Variants in LUZP2 observed in about 807,000 individuals in gnomAD.
LUZP2 encodes leucine zipper protein 2.
Under a neutral mutation model 51.6 loss-of-function variants are expected in LUZP2, and 52 were observed. That is an observed-to-expected ratio of 1.01 (90% CI 0.81 to 1.27). The LOEUF (loss-of-function observed/expected upper bound fraction) is 1.27, where lower values mean the gene tolerates loss of function less well. Ranked by LOEUF, LUZP2 falls within the 50% of genes most tolerant of loss-of-function variation. The pLI, the probability that LUZP2 is intolerant of heterozygous loss-of-function variation, is 0.00. For missense variants in LUZP2, 436 were observed against 395.4 expected (o/e 1.10, Z -0.87); for synonymous variants, 154 against 137.3 (o/e 1.12, Z -0.85).
intron 1 of LUZP2, among the ~76,000 whole-genome samples, chr11:24,531,606 A>G (rs1319268260): frequency 1.3e-5 from 2 of 150,850 alleles, no homozygotes; most frequent in African/African-American, 4.8e-5. Flanking sequence ...TCAACCTTCT[A>G]GTAACCATCA....
In LUZP2 at chr11:25,029,397, T is replaced by TA. The variant is rs532576314; in HGVS notation, c.766-20635dup. Among the ~76,000 whole-genome samples the TA allele has an allele frequency of 4.6e-3, 692 of 151,866 alleles. 8 individuals are homozygous for TA. The highest frequency in any genetic ancestry group is 0.016 in the African/African-American group (658 of 41,392). ...TTTTTAAAAATAAATTTAGAAGAAA[T>TA]AAAAAACAATACTTCAAATATGAAC... On this transcript the variant is annotated intron_variant, in intron 9 of 11. Coordinates refer to ENST00000336930, the MANE Select transcript of LUZP2 (RefSeq NM_001009909.4).
intron 6 of LUZP2, among the ~76,000 whole-genome samples, chr11:24,907,061 G>A (rs1402429867): frequency 1.3e-5 from 2 of 152,124 alleles, no homozygotes; most frequent in Non-Finnish European, 2.9e-5. Flanking sequence ...CCAGCAGGAA[G>A]GAAAGGGAAG....
chr11:24,611,189 AG>A lies in LUZP2; in HGVS notation c.62+113885del, dbSNP rs1449094530. On this transcript the variant is annotated intron_variant, in intron 1 of 11. Transcript: ENST00000336930. The surrounding 1 kb of genome is among the most constrained non-coding windows in gnomAD (Gnocchi z 4.6). ...ATGTTTATATTATTCATTCAAAAAT[AG>A]TCAACTTTTACTTTGTGCCGAGGTT... Among the ~76,000 whole-genome samples the A allele has an allele frequency of 2.0e-5, 3 of 152,160 alleles. No individual in the cohort carries two copies. The highest frequency in any genetic ancestry group is 4.4e-5 in the Non-Finnish European group (3 of 68,028).
chr11:24,610,297 A>G (rs1470228321), intron 1 of LUZP2, among the ~76,000 whole-genome samples: 2 of 152,234 alleles, frequency 1.3e-5, no homozygotes, highest in Non-Finnish European at 2.9e-5. Flanking sequence ...TATTTTAAAC[A>G]TCTAGGACTG....
At chr11:24,693,129 T>A (rs539658103) in intron 1 of LUZP2, among the ~76,000 whole-genome samples, 13 of 152,054 alleles carry the variant, frequency 8.5e-5, no homozygotes, top group African/African-American at 2.9e-4. Flanking sequence ...TATTGTTTGA[T>A]TTTTACAGTT....
intron 1 of LUZP2, among the ~76,000 whole-genome samples, chr11:24,558,396 C>A (rs1410572105): frequency 6.6e-6 from 1 of 151,274 alleles, no homozygotes; most frequent in Non-Finnish European, 1.5e-5. Context: ...TTTCATATAT[C>A]TCTATATATA....
chr11:24,943,432 C>T (rs551068507), intron 7 of LUZP2, among the ~76,000 whole-genome samples: 1 of 152,156 alleles, frequency 6.6e-6, no homozygotes, highest in East Asian at 1.9e-4. Flanking sequence ...AATTAATTCT[C>T]CTCTGTACTG....
chr11:24,906,317 G>T (rs1271020676), intron 6 of LUZP2, among the ~76,000 whole-genome samples: 1 of 148,932 alleles, frequency 6.7e-6, no homozygotes, highest in Non-Finnish European at 1.5e-5. Context: ...TCCTTATCTG[G>T]ACTATCAGAA....
intron 1 of LUZP2, among the ~76,000 whole-genome samples, chr11:24,533,199 TC>T (rs1258422922): frequency 6.6e-6 from 1 of 151,218 alleles, no homozygotes; most frequent in Non-Finnish European, 1.5e-5. Context: ...GCAAGATCTT[TC>T]CCTCTGGCTT....
intron 1 of LUZP2, among the ~76,000 whole-genome samples, chr11:24,534,225 C>T (rs1359858642): frequency 2.1e-5 from 3 of 140,202 alleles, no homozygotes; most frequent in Non-Finnish European, 4.6e-5. Flanking sequence ...TTGAACACTT[C>T]TGAGATTAAA....
intron 5 of LUZP2, among the ~76,000 whole-genome samples, chr11:24,862,576 A>G (rs1333078256): frequency 1.3e-5 from 2 of 152,238 alleles, no homozygotes; most frequent in African/African-American, 4.8e-5. Flanking sequence ...TCCCAGTTAA[A>G]AGACACAGAC....
At chr11:25,020,407 A>G (rs1363351801) in intron 9 of LUZP2, among the ~76,000 whole-genome samples, 2 of 152,082 alleles carry the variant, frequency 1.3e-5, no homozygotes, top group Non-Finnish European at 2.9e-5. Context: ...AACCTAGCCT[A>G]TTTTGTGAAG....
At chr11:24,531,558 T>C (rs1851001000) in intron 1 of LUZP2, among the ~76,000 whole-genome samples, 1 of 150,896 alleles carries the variant, frequency 6.6e-6, no homozygotes, top group South Asian at 2.1e-4. Flanking sequence ...TGTGTATCTA[T>C]TAGCCCACCT....
At chr11:24,864,708 G>T (rs1851836924) in intron 5 of LUZP2, among the ~76,000 whole-genome samples, 2 of 152,138 alleles carry the variant, frequency 1.3e-5, no homozygotes, top group South Asian at 4.1e-4. Flanking sequence ...TGATGAGTTT[G>T]CTCATAAATC....
intron 7 of LUZP2, among the ~76,000 whole-genome samples, chr11:24,951,357 A>G (rs1855074136): frequency 6.6e-6 from 1 of 151,534 alleles, no homozygotes; most frequent in South Asian, 2.1e-4. Context: ...TATTATTCCT[A>G]TTTTGTTGCA....
chr11:24,602,217 T>TAC (rs1853726292), intron 1 of LUZP2, among the ~76,000 whole-genome samples: 12 of 61,698 alleles, frequency 1.9e-4, no homozygotes, highest in Admixed American at 4.7e-4. Context: ...TGTATATATG[T>TAC]ATATATGTAC....
chr11:24,714,780 T>C (rs1288905551), intron 1 of LUZP2, among the ~76,000 whole-genome samples: 2 of 152,162 alleles, frequency 1.3e-5, no homozygotes, highest in African/African-American at 2.4e-5. Context: ...GCCTGAGAAA[T>C]TTGATAGCCT....
chr11:24,504,223 A>G (rs892589975), intron 1 of LUZP2, among the ~76,000 whole-genome samples: 7 of 152,158 alleles, frequency 4.6e-5, no homozygotes, highest in African/African-American at 2.4e-5. Context: ...TCACTTGATA[A>G]ATCTGTGCTG....
chr11:24,898,822 G>A (rs1027212194), intron 5 of LUZP2, among the ~76,000 whole-genome samples: 1 of 152,128 alleles, frequency 6.6e-6, no homozygotes. Context: ...ACCTGGAAAT[G>A]GACTGGAAAG....
Sources: allele counts gnomAD v4.1 joint callset (sites outside exome capture counted in the v4.1 genomes callset), GRCh38; gene constraint gnomAD v4.1.1; non-coding constraint Gnocchi (gnomAD v3.1); transcripts MANE v1.5; gene names NCBI Gene and HGNC (gene_info 2026-07-23, HGNC 2026-07-21).